The following NFASC variants were observed in gnomAD, a reference collection of about 807,000 sequenced individuals.
NFASC encodes neurofascin homolog.
In NFASC, 43 loss-of-function variants were observed where a neutral mutation model predicts 147.5. That is an observed-to-expected ratio of 0.29 (90% CI 0.23 to 0.38). The LOEUF (loss-of-function observed/expected upper bound fraction) is 0.38, where lower values mean the gene tolerates loss of function less well. NFASC is among the 10% of genes least tolerant of loss of function. NFASC has a pLI of 1.00. For missense variants in NFASC, 1,320 were observed against 1,689.0 expected (o/e 0.78, Z 3.83); for synonymous variants, 622 against 665.5 (o/e 0.93, Z 1.01).
intron 1 of NFASC, among the ~76,000 whole-genome samples, chr1:204,897,750 G>T (rs972526084): frequency 5.6e-5 from 8 of 141,684 alleles, no homozygotes; most frequent in Admixed American, 1.4e-4. Context: ...ATTTTTTTTT[G>T]GGGGGGGCAG....
chr1:204,985,030 C>T (rs1417992416), intron 21 of NFASC, among the ~76,000 whole-genome samples: 1 of 152,206 alleles, frequency 6.6e-6, no homozygotes, highest in Non-Finnish European at 1.5e-5. Flanking sequence ...GTGATGTGTA[C>T]ACTTGAATGA....
rs987842064 is a variant in NFASC at position 204,979,800 on chromosome 1, C to G, written c.2176+241C>G. Among the ~76,000 whole-genome samples the G allele has an allele frequency of 5.3e-5, 8 of 152,246 alleles. No individual in the cohort carries two copies. Among genetic ancestry groups the G allele is most frequent in the African/African-American group, 1.7e-4 (7 of 41,464 alleles). On this transcript the variant is annotated intron_variant, in intron 19 of 29. Coordinates refer to ENST00000339876, the MANE Select transcript of NFASC (RefSeq NM_001005388.3). The surrounding 1 kb of genome is among the most constrained non-coding windows in gnomAD (Gnocchi z 6.0). ...GTAGTGAGCACATGATAAATGCTAACTTCCATTTTTATTATTAGTAATTCT... is the reference window on the plus strand; with the variant it reads ...GTAGTGAGCACATGATAAATGCTAAGTTCCATTTTTATTATTAGTAATTCT...
intron 1 of NFASC, among the ~76,000 whole-genome samples, chr1:204,913,738 G>T (rs1207176700): frequency 6.6e-6 from 1 of 151,730 alleles, no homozygotes; most frequent in African/African-American, 2.4e-5. Flanking sequence ...AAATAGCCAG[G>T]TATGCACCTG....
intron 2 of NFASC, among the ~76,000 whole-genome samples, chr1:204,935,691 G>A (rs1419338397): frequency 2.0e-5 from 3 of 152,186 alleles, no homozygotes; most frequent in African/African-American, 7.2e-5. Flanking sequence ...AAATGGGATA[G>A]AGGAAGATGA....
At chr1:204,900,009 A>G (rs530071551) in intron 1 of NFASC, among the ~76,000 whole-genome samples, 18 of 152,320 alleles carry the variant, frequency 1.2e-4, no homozygotes, top group African/African-American at 4.1e-4. Context: ...ATTATAGTGG[A>G]TGTGTTGAAA....
chr1:204,864,333 A>G (rs2076946616), intron 1 of NFASC, among the ~76,000 whole-genome samples: 1 of 152,212 alleles, frequency 6.6e-6, no homozygotes, highest in Non-Finnish European at 1.5e-5. Context: ...TATTGTATAT[A>G]AGTACCTGTT....
At chr1:204,843,610 TCCTTCCTTCCTTCCTTCCTCCCTC>T (rs1205095012) in intron 1 of NFASC, among the ~76,000 whole-genome samples, 1,060 of 87,840 alleles carry the variant, frequency 0.012, 4 homozygotes, top group Middle Eastern at 0.071. Flanking sequence ...CTTCCTTCCT[TCCTTCCTTCCTTCCTTCCTCCCTC>T]CCTCCCTCCC....
chr1:204,835,467 G>A lies in NFASC; in HGVS notation c.-200+6685G>A, dbSNP rs192374804. Among the ~76,000 whole-genome samples the A allele has an allele frequency of 2.6e-5, 4 of 152,184 alleles. No individual in the cohort carries two copies. The East Asian group carries it at 7.7e-4, about 29-fold the overall frequency. ...TGGTCTTGAACTCCTGACCTCAAGT[G>A]ATCCACCCACCTTAGCCTCCCAAAG... On this transcript the variant is annotated intron_variant, in intron 1 of 29. Transcript: ENST00000339876.
At chr1:204,878,960 A>C (rs1192409065) in intron 1 of NFASC, among the ~76,000 whole-genome samples, 1 of 152,200 alleles carries the variant, frequency 6.6e-6, no homozygotes, top group East Asian at 1.9e-4. Context: ...TCCCTTTTGA[A>C]GAGCAATTTC....
At chr1:204,878,772 G>A (rs1356353470) in intron 1 of NFASC, among the ~76,000 whole-genome samples, 1 of 152,184 alleles carries the variant, frequency 6.6e-6, no homozygotes, top group East Asian at 1.9e-4. Context: ...AGGAGAGTCG[G>A]CAGATCTGGG....
chr1:204,896,975 C>T (rs1291943501), intron 1 of NFASC, among the ~76,000 whole-genome samples: 1 of 152,114 alleles, frequency 6.6e-6, no homozygotes, highest in East Asian at 1.9e-4. Context: ...TGCAAAGGGG[C>T]CTTTCCATTC....
intron 2 of NFASC, among the ~76,000 whole-genome samples, chr1:204,934,263 C>G (rs931238464): frequency 6.6e-6 from 1 of 151,774 alleles, no homozygotes; most frequent in Admixed American, 6.6e-5. Context: ...CAGATCCATG[C>G]AGAAGCTGGG....
intron 27 of NFASC, among the ~76,000 whole-genome samples, chr1:205,006,457 G>C (rs181667630): frequency 2.0e-5 from 3 of 152,336 alleles, no homozygotes; most frequent in Non-Finnish European, 2.9e-5. Context: ...CAGGGAGGAG[G>C]GGTAGAGTGT....
chr1:204,994,551 TG>T (rs1473759366), intron 24 of NFASC, among the ~76,000 whole-genome samples: 10 of 152,196 alleles, frequency 6.6e-5, no homozygotes, highest in Non-Finnish European at 7.3e-5. Context: ...ACTTGGATTC[TG>T]GGGCCTGGGA....
rs553143506 is a variant in NFASC, at chr1:204,875,424, T to G, written c.-199-45208T>G. ...CTGCCTCCCAGAAGTCACATGTGCC[T>G]AAGAGGTGACTATATTTTGCTGGAG... On this transcript the variant is annotated intron_variant, in intron 1 of 29. Coordinates refer to ENST00000339876, the MANE Select transcript of NFASC (RefSeq NM_001005388.3). Among the ~76,000 whole-genome samples the G allele has an allele frequency of 2.0e-4, 31 of 152,246 alleles. No homozygotes were observed. In the South Asian group the frequency reaches 5.8e-3, roughly 29 times the overall value.
chr1:204,977,265 G>A lies in NFASC; in HGVS notation c.1832-416G>A, dbSNP rs56083884. The A allele has an allele frequency of 5.4e-3, 1,774 of 327,032 alleles. 18 individuals are homozygous for A. Among genetic ancestry groups the A allele is most frequent in the South Asian group, 0.01 (86 of 8,524 alleles). 20.3% of individuals were successfully genotyped at this position (327,032 alleles called of 1,614,324 possible). A position where few individuals can be genotyped will look rare whatever the true frequency, so the allele number is the denominator to read the frequency against. On this transcript the variant is annotated intron_variant, in intron 16 of 29. Coordinates refer to ENST00000339876, the MANE Select transcript of NFASC (RefSeq NM_001005388.3). Reference sequence around the variant, plus strand: ...TATGCACTAAGCAAGATGACGTTGTGTCTTCCTGTCCTGCACCCAGGCTGG... The same window carrying A: ...TATGCACTAAGCAAGATGACGTTGTATCTTCCTGTCCTGCACCCAGGCTGG...
In NFASC at chr1:204,830,801, A is replaced by T. The variant is rs78368296; in HGVS notation, c.-200+2019A>T. ...GGCTTAGACGAAACCCAGAGGCTTA[A>T]ATTGAGGCGTTAAGAGCGAATTGCA... On this transcript the variant is annotated intron_variant, in intron 1 of 29. Transcript: ENST00000339876. 0.018 allele frequency among the ~76,000 whole-genome samples: 2,784 copies of T among 152,322 alleles called. 182 individuals carry two copies. The East Asian group carries it at 0.21, about 11-fold the overall frequency.
At chr1:204,941,753 G>A (rs2093376277) in intron 2 of NFASC, among the ~76,000 whole-genome samples, 1 of 152,204 alleles carries the variant, frequency 6.6e-6, no homozygotes, top group Non-Finnish European at 1.5e-5. Flanking sequence ...CTTCTAGCCA[G>A]AGGGTCCCTC....
intron 1 of NFASC, among the ~76,000 whole-genome samples, chr1:204,886,948 A>G (rs2081411702): frequency 1.3e-5 from 2 of 152,146 alleles, no homozygotes; most frequent in Non-Finnish European, 2.9e-5. Context: ...TCACAGGAAG[A>G]GCCTGTGTTT....
Sources: allele counts gnomAD v4.1 joint callset (sites outside exome capture counted in the v4.1 genomes callset), GRCh38; gene constraint gnomAD v4.1.1; non-coding constraint Gnocchi (gnomAD v3.1); transcripts MANE v1.5; gene names NCBI Gene and HGNC (gene_info 2026-07-23, HGNC 2026-07-21).